Variants in ROBO1 observed in about 807,000 individuals in gnomAD.
ROBO1 encodes roundabout homolog 1.
ROBO1 carries 149 observed loss-of-function variants against 195.9 expected under a neutral mutation model. The ratio of observed to expected loss-of-function variants is 0.76; its 90% CI spans 0.67 to 0.87. The LOEUF is 0.87. Ranked by LOEUF, ROBO1 falls within the 40% of genes least tolerant of loss-of-function variation. ROBO1 has a pLI of 0.00. For missense variants in ROBO1, 1,933 were observed against 2,068.3 expected, an observed-to-expected ratio of 0.93 and a Z score of 1.27; for synonymous variants, 816 against 733.2, an observed-to-expected ratio of 1.11 and a Z score of -1.82.
intron 2 of ROBO1, among the ~76,000 whole-genome samples, chr3:79,548,782 G>A (rs1942368573): frequency 6.6e-6 from 1 of 152,180 alleles, no homozygotes; most frequent in African/African-American, 2.4e-5. Context: ...TCTGGGAGAA[G>A]TGACCAATGA....
At chr3:79,225,757 T>C (rs964302872) in intron 2 of ROBO1, among the ~76,000 whole-genome samples, 4 of 152,188 alleles carry the variant, frequency 2.6e-5, no homozygotes, top group African/African-American at 9.7e-5. Flanking sequence ...TCTTCTAATA[T>C]AACATGCTCT....
At chr3:79,709,646 C>G (rs1328980193) in intron 1 of ROBO1, among the ~76,000 whole-genome samples, 1 of 151,226 alleles carries the variant, frequency 6.6e-6, no homozygotes, top group African/African-American at 2.5e-5. Flanking sequence ...CTGGATGTCA[C>G]AATAACTACA....
chr3:79,706,679 G>A (rs1947782165), intron 1 of ROBO1, among the ~76,000 whole-genome samples: 1 of 151,954 alleles, frequency 6.6e-6, no homozygotes, highest in Non-Finnish European at 1.5e-5. Flanking sequence ...TAGTTTCCCT[G>A]CACAAACTCT....
At chr3:79,685,883 CATCCTGAT>C (rs752292963) in intron 1 of ROBO1, among the ~76,000 whole-genome samples, 67 of 152,266 alleles carry the variant, frequency 4.4e-4, no homozygotes, top group Non-Finnish European at 8.5e-4. Context: ...AGGCCAGCAT[CATCCTGAT>C]ACCAAAGCCT....
intron 3 of ROBO1, among the ~76,000 whole-genome samples, chr3:79,059,873 A>G (rs1161811835): frequency 1.3e-5 from 2 of 152,030 alleles, no homozygotes; most frequent in Admixed American, 1.3e-4. Context: ...TGGGCATCCT[A>G]AAAGAACAGG....
At chr3:79,061,573 G>C (rs1165580754) in intron 3 of ROBO1, among the ~76,000 whole-genome samples, 1 of 152,100 alleles carries the variant, frequency 6.6e-6, no homozygotes, top group Non-Finnish European at 1.5e-5. Flanking sequence ...AACAAAGCTG[G>C]AGACATCACA....
At position 78,651,720 on chromosome 3, in the gene ROBO1, G is replaced by C; in HGVS notation, c.2812+12C>G. ...AAACATTAAAATATGAAAACCTTGG[G>C]AAAGCTAATACCTTTTCTGATACCC... On this transcript the variant is annotated intron_variant, in intron 19 of 30. Transcript: ENST00000464233. 1.9e-6 allele frequency: 3 copies of C among 1,541,118 alleles called. No homozygotes were observed. Among genetic ancestry groups the C allele is most frequent in the Non-Finnish European group, 2.6e-6 (3 of 1,143,666 alleles).
At chr3:79,753,593 A>AATT (rs1283352010) in intron 1 of ROBO1, among the ~76,000 whole-genome samples, 1 of 152,208 alleles carries the variant, frequency 6.6e-6, no homozygotes, top group African/African-American at 2.4e-5. Flanking sequence ...TATCTTTGCC[A>AATT]ATTATTATTA....
chr3:79,364,183 C>A (rs2035875453), intron 2 of ROBO1, among the ~76,000 whole-genome samples: 1 of 150,230 alleles, frequency 6.7e-6, no homozygotes, highest in African/African-American at 2.5e-5. Flanking sequence ...CTAGCCTGGG[C>A]AACAGAGCGA....
At chr3:79,103,608 G>T (rs1047397734) in intron 3 of ROBO1, among the ~76,000 whole-genome samples, 2 of 151,562 alleles carry the variant, frequency 1.3e-5, no homozygotes, top group Admixed American at 6.6e-5. Flanking sequence ...AGCTAACTCA[G>T]ACTACACCTT....
At chr3:79,080,071 G>A (rs1173212797) in intron 3 of ROBO1, among the ~76,000 whole-genome samples, 2 of 151,830 alleles carry the variant, frequency 1.3e-5, no homozygotes, top group East Asian at 3.9e-4. Flanking sequence ...AGATGATAAT[G>A]TTAGTGGTGT....
intron 2 of ROBO1, among the ~76,000 whole-genome samples, chr3:79,523,472 C>CTT (rs11357932): frequency 5.0e-5 from 5 of 100,434 alleles, no homozygotes; most frequent in South Asian, 3.1e-4. Context: ...TTTTTTTTTT[C>CTT]TTTTTTTTTT....
chr3:79,027,684 G>A (rs1336902872), intron 3 of ROBO1, among the ~76,000 whole-genome samples: 1 of 151,910 alleles, frequency 6.6e-6, no homozygotes, highest in Admixed American at 6.6e-5. Context: ...CTGACATCCT[G>A]GCCACATTCC....
chr3:78,837,225 C>T (rs1348383061), intron 4 of ROBO1, among the ~76,000 whole-genome samples: 1 of 152,022 alleles, frequency 6.6e-6, no homozygotes. Flanking sequence ...TTGGATATAA[C>T]CATTCCTAAC....
intron 3 of ROBO1, among the ~76,000 whole-genome samples, chr3:79,024,206 T>C (rs749094242): frequency 6.6e-6 from 1 of 152,194 alleles, no homozygotes; most frequent in Non-Finnish European, 1.5e-5. Context: ...CTCACACACA[T>C]TGTAGATGTT....
chr3:79,683,708 C>A (rs1472629657), intron 1 of ROBO1, among the ~76,000 whole-genome samples: 1 of 151,976 alleles, frequency 6.6e-6, no homozygotes, highest in African/African-American at 2.4e-5. Flanking sequence ...CAATATCTGG[C>A]TTTATATATT....
At chr3:79,470,448 A>G (rs182743624) in intron 2 of ROBO1, among the ~76,000 whole-genome samples, 47 of 152,290 alleles carry the variant, frequency 3.1e-4, no homozygotes, top group African/African-American at 1.1e-3. Context: ...ATTAGGAGAT[A>G]TACCTAATGT....
intron 1 of ROBO1, among the ~76,000 whole-genome samples, chr3:79,618,717 G>A (rs986141598): frequency 1.2e-4 from 19 of 152,226 alleles, no homozygotes; most frequent in South Asian, 4.1e-4. Context: ...TCACATGGAC[G>A]CACATGACAT....
At chr3:79,487,062 G>C (rs192060499) in intron 2 of ROBO1, among the ~76,000 whole-genome samples, 22 of 152,118 alleles carry the variant, frequency 1.4e-4, no homozygotes, top group Non-Finnish European at 2.8e-4. Context: ...CCTTTGTCTT[G>C]TCACTCCTCT....
Sources: gnomAD v4.1 joint callset for allele counts (sites outside exome capture counted in the v4.1 genomes callset) on GRCh38, gnomAD v4.1.1 for gene constraint, MANE v1.5 for transcripts, NCBI Gene and HGNC (gene_info 2026-07-23, HGNC 2026-07-21) for gene names.